The following DST variants were observed in gnomAD, a reference collection of about 807,000 sequenced individuals.
The protein encoded by DST is dystonin, also known as bullous pemphigoid antigen.
DST carries 253 observed loss-of-function variants against 875.2 expected under a neutral mutation model. That is an observed-to-expected ratio of 0.29 (90% CI 0.26 to 0.32). DST has a LOEUF of 0.32. DST is among the 10% of genes least tolerant of loss of function. DST has a pLI of 1.00. For synonymous variants in DST, 3,124 were observed against 3,197.1 expected, an observed-to-expected ratio of 0.98 and a Z score of 0.77; for missense variants, 8,287 against 9,111.6, an observed-to-expected ratio of 0.91 and a Z score of 3.68.
chr6:56,693,049 T>C (rs1372482504), intron 9 of DST: 2 of 1,289,688 alleles, frequency 1.6e-6, no homozygotes, highest in Non-Finnish European at 2.0e-6. Context: ...TCTGAAATAT[T>C]TTCTTCCAGG....
At chr6:56,934,106 A>G (rs1380361181) in intron 2 of DST, among the ~76,000 whole-genome samples, 1 of 152,114 alleles carries the variant, frequency 6.6e-6, no homozygotes, top group African/African-American at 2.4e-5. Context: ...GCTTCTAAAA[A>G]TCTTCCCATC....
At chr6:56,837,415 A>G (rs1292651674) in intron 4 of DST, among the ~76,000 whole-genome samples, 1 of 152,104 alleles carries the variant, frequency 6.6e-6, no homozygotes, top group Non-Finnish European at 1.5e-5. Flanking sequence ...TCAGCCTTCC[A>G]TTCCAACCAC....
intron 22 of DST, among the ~76,000 whole-genome samples, chr6:56,637,450 C>T (rs910144138): frequency 2.6e-5 from 4 of 151,996 alleles, no homozygotes; most frequent in East Asian, 1.9e-4. Flanking sequence ...TGAATTTTTA[C>T]GGTGCTAGAT....
chr6:56,769,694 G>A (rs989823015), intron 4 of DST, among the ~76,000 whole-genome samples: 8 of 152,198 alleles, frequency 5.3e-5, no homozygotes, highest in Admixed American at 5.2e-4. Flanking sequence ...GCAGGGACCT[G>A]TAGTCCCAGC....
At chr6:56,627,001 T>G (rs1440420392) in intron 34 of DST, among the ~76,000 whole-genome samples, 1 of 152,114 alleles carries the variant, frequency 6.6e-6, no homozygotes, top group African/African-American at 2.4e-5. Context: ...GGCAGGGGTG[T>G]ACATATGTGA....
intron 3 of DST, among the ~76,000 whole-genome samples, chr6:56,879,768 A>G (rs1237146850): frequency 6.6e-6 from 1 of 152,230 alleles, no homozygotes; most frequent in Non-Finnish European, 1.5e-5. Flanking sequence ...AAACTGGAGG[A>G]ACCTGAGCCA....
rs867744897 is a variant in DST, at chr6:56,464,677, T to C, written c.22759+8A>G. The C allele has an allele frequency of 1.3e-5, 21 of 1,584,166 alleles. 1 individual carries two copies. The African/African-American group carries it at 1.3e-4, about 10-fold the overall frequency. On this transcript the variant is annotated splice_region_variant and intron_variant, in intron 100 of 103. Coordinates refer to ENST00000680361, the MANE Select transcript of DST (RefSeq NM_001374736.1). ...AAGAGGGGAGAGGCAAAGAGAGAGG[T>C]TGCCAACCTATAGTAGGCTGAGTAG... is the stretch of plus-strand genomic sequence containing the variant.
intron 10 of DST, among the ~76,000 whole-genome samples, chr6:56,666,546 G>A (rs2099073267): frequency 6.6e-6 from 1 of 152,016 alleles, no homozygotes; most frequent in Admixed American, 6.6e-5. Flanking sequence ...GCAACCAACA[G>A]AAACCAAACC....
In DST at chr6:56,582,494, T is replaced by G. The variant is rs762766170; in HGVS notation, c.12904-3557A>C. Among the ~76,000 whole-genome samples the G allele has an allele frequency of 2.0e-5, 3 of 150,802 alleles. No individual in the cohort carries two copies. In the East Asian group the frequency reaches 5.8e-4, roughly 29 times the overall value. Reference sequence around the variant, plus strand: ...CCATGAGTAAAAGTTCCCTGAGGCTTCCCCAGAAGCTGAGTGATGTCAGTG... The same window carrying G: ...CCATGAGTAAAAGTTCCCTGAGGCTGCCCCAGAAGCTGAGTGATGTCAGTG... On this transcript the variant is annotated intron_variant, in intron 49 of 103. Transcript: ENST00000680361.
At chr6:56,820,700 C>T (rs563422014) in intron 4 of DST, among the ~76,000 whole-genome samples, 6 of 152,042 alleles carry the variant, frequency 3.9e-5, no homozygotes, top group African/African-American at 7.2e-5. Context: ...AGTTTTTCCC[C>T]AAATAGCTGG....
At chr6:56,719,217 T>C (rs2099405670) in intron 5 of DST, among the ~76,000 whole-genome samples, 1 of 152,222 alleles carries the variant, frequency 6.6e-6, no homozygotes, top group African/African-American at 2.4e-5. Flanking sequence ...TATTCTAATA[T>C]GGGTCAGTAC....
chr6:56,934,523 T>G (rs1410932719), intron 2 of DST, among the ~76,000 whole-genome samples: 2 of 143,748 alleles, frequency 1.4e-5, no homozygotes, highest in Admixed American at 1.4e-4. Context: ...CTAGTGCACT[T>G]TTATATACAT....
At chr6:56,477,242 T>G in intron 91 of DST, 103 bp downstream of exon 91, 1 of 1,276,014 alleles carries the variant, frequency 7.8e-7, no homozygotes, top group Non-Finnish European at 1.1e-6. Flanking sequence ...TGTAGAGGTC[T>G]CATTTTCCCA....
At chr6:56,594,793 G>C (rs1481359691) in intron 47 of DST, among the ~76,000 whole-genome samples, 1 of 152,198 alleles carries the variant, frequency 6.6e-6, no homozygotes, top group East Asian at 1.9e-4. Context: ...TCCTGCATGT[G>C]AAAATGGAGA....
At chr6:56,663,091 T>C (rs994862670) in intron 10 of DST, among the ~76,000 whole-genome samples, 1 of 152,222 alleles carries the variant, frequency 6.6e-6, no homozygotes, top group Non-Finnish European at 1.5e-5. Context: ...TATATTCAGA[T>C]ATTTCCTCCA....
rs751861244 is a variant in DST at position 56,607,863 on chromosome 6, G to A, written c.6765C>T (p.Ser2255=). The part of the protein sequence containing the change: ...TAIKECLDVL[S]SSGVFLNNAS... ...CATTATTAAGAAATACACCAGATGA[G>A]CTTAAGACATCGAGACATTCTTTTA... Residue 2255 remains serine, a synonymous_variant, in exon 40 of 104, where the codon AGC becomes AGT. Coordinates refer to ENST00000680361, the MANE Select transcript of DST (RefSeq NM_001374736.1). The A allele has an allele frequency of 1.2e-5, 19 of 1,613,504 alleles. No individual in the cohort carries two copies. Among genetic ancestry groups the A allele is most frequent in the Non-Finnish European group, 1.6e-5 (19 of 1,179,700 alleles).
chr6:56,516,903 A>G lies in DST; in HGVS notation c.18357+295T>C, dbSNP rs535492518. On this transcript the variant is annotated intron_variant, in intron 71 of 103. Transcript: ENST00000680361. ...AAAAACAATAATTTATACTGATAATAATGGTAATAATACAGCTAACATTAA... is the reference window on the plus strand; with the variant it reads ...AAAAACAATAATTTATACTGATAATGATGGTAATAATACAGCTAACATTAA... 3.3e-5 allele frequency among the ~76,000 whole-genome samples: 5 copies of G among 152,306 alleles called. No individual in the cohort carries two copies. In the South Asian group the frequency reaches 1.0e-3, roughly 32 times the overall value.
rs2098512843 is a variant in DST, at chr6:56,607,956, T to A, written c.6672A>T (p.Gly2224=). 1.9e-6 allele frequency: 3 copies of A among 1,613,494 alleles called. No individual in the cohort carries two copies. In the South Asian group the frequency reaches 3.3e-5, roughly 18 times the overall value. ...NTGQRLLLYD[G]DLDEAVGMLL... ...GCATGCCAACAGCCTCATCCAAGTCTCCATCGTACAGCAAAAGCCTTTGCC... is the reference window on the plus strand; with the variant it reads ...GCATGCCAACAGCCTCATCCAAGTCACCATCGTACAGCAAAAGCCTTTGCC... Residue 2224 remains glycine (G), a synonymous_variant, in exon 40 of 104, where the codon GGA becomes GGT. Transcript: ENST00000680361.
chr6:56,466,992 A>G (rs2094606712), intron 98 of DST: 1 of 152,200 alleles, frequency 6.6e-6, no homozygotes, highest in Non-Finnish European at 1.5e-5. Flanking sequence ...GATATGCTAC[A>G]AATTCTGCAA....
Sources: allele counts gnomAD v4.1 joint callset (sites outside exome capture counted in the v4.1 genomes callset), GRCh38; gene constraint gnomAD v4.1.1; transcripts MANE v1.5; gene names NCBI Gene and HGNC (gene_info 2026-07-23, HGNC 2026-07-21).